The following ADAMTS17 variants were observed in gnomAD, a reference collection of about 807,000 sequenced individuals.
The protein encoded by ADAMTS17 is ADAM metallopeptidase with thrombospondin type 1 motif 17.
In ADAMTS17, 113 loss-of-function variants were observed where a neutral mutation model predicts 141.5. The observed-to-expected ratio is 0.80, with a 90% CI of 0.69 to 0.93. ADAMTS17 has a LOEUF of 0.93. Ranked by LOEUF, ADAMTS17 falls within the 40% of genes least tolerant of loss-of-function variation. ADAMTS17 has a pLI of 0.00. For missense variants in ADAMTS17, 1,659 were observed against 1,517.9 expected (o/e 1.09, Z -1.54); for synonymous variants, 768 against 630.6 (o/e 1.22, Z -3.27).
In ADAMTS17 at chr15:100,118,409, T is replaced by C. The variant is rs368659628; in HGVS notation, c.1722-1396A>G. Among the ~76,000 whole-genome samples, 3 of 152,150 alleles carry C rather than the reference T, an allele frequency of 2.0e-5. No individual in the cohort carries two copies. In the East Asian group the frequency reaches 5.8e-4, roughly 29 times the overall value. ...TACCTCATATACACTAGAAAACAGT[T>C]CCCTCCCCCAGGAGAAGAAGAGATC... On this transcript the variant is annotated intron_variant, in intron 12 of 21. Coordinates refer to ENST00000268070, the MANE Select transcript of ADAMTS17 (RefSeq NM_139057.4).
At chr15:100,147,481 G>A (rs940925021) in intron 10 of ADAMTS17, among the ~76,000 whole-genome samples, 1 of 152,096 alleles carries the variant, frequency 6.6e-6, no homozygotes, top group East Asian at 1.9e-4. Flanking sequence ...GCGTGGTACT[G>A]TACTACTACT....
rs542808482 is a variant in ADAMTS17, at chr15:100,009,412, G to A, written c.2592-11823C>T. On this transcript the variant is annotated intron_variant, in intron 18 of 21. Coordinates refer to ENST00000268070, the MANE Select transcript of ADAMTS17 (RefSeq NM_139057.4). ...TGAAAGTTCCAGGTGCCCACATACT[G>A]AAGTCAGACCTTCTCAAATTCTCAG... Among the ~76,000 whole-genome samples the A allele has an allele frequency of 9.2e-5, 14 of 152,210 alleles. No homozygotes were observed. The South Asian group carries it at 2.9e-3, about 32-fold the overall frequency.
chr15:100,167,181 C>T (rs937446741), intron 8 of ADAMTS17, among the ~76,000 whole-genome samples: 2 of 152,186 alleles, frequency 1.3e-5, no homozygotes, highest in African/African-American at 4.8e-5. Context: ...ACCTGATTGG[C>T]TAACTTGAGG....
At chr15:100,331,634 C>T (rs1321402739) in intron 2 of ADAMTS17, among the ~76,000 whole-genome samples, 1 of 152,166 alleles carries the variant, frequency 6.6e-6, no homozygotes, top group Admixed American at 6.5e-5. Flanking sequence ...GGTTTGAACA[C>T]TGATCGATGC....
chr15:100,208,322 A>C (rs1468293934), intron 7 of ADAMTS17, among the ~76,000 whole-genome samples: 1 of 152,220 alleles, frequency 6.6e-6, no homozygotes, highest in African/African-American at 2.4e-5. Context: ...ACCTTGACTC[A>C]TTCAAAAATC....
intron 14 of ADAMTS17, among the ~76,000 whole-genome samples, chr15:100,102,276 C>T (rs1417767804): frequency 6.6e-6 from 1 of 151,032 alleles, no homozygotes; most frequent in Non-Finnish European, 1.5e-5. Flanking sequence ...AACAGGAAGC[C>T]CGACCGAAGG....
intron 8 of ADAMTS17, among the ~76,000 whole-genome samples, chr15:100,162,966 ATGTATATATATG>A (rs1376048171): frequency 1.4e-5 from 2 of 141,468 alleles, no homozygotes; most frequent in Non-Finnish European, 3.1e-5. Context: ...ATAACTATAT[ATGTATATATATG>A]TGTATATATA....
intron 18 of ADAMTS17, among the ~76,000 whole-genome samples, chr15:100,025,392 T>A (rs1361208717): frequency 6.6e-6 from 1 of 151,426 alleles, no homozygotes; most frequent in Non-Finnish European, 1.5e-5. Flanking sequence ...AATTTGACAA[T>A]CTTTTTCTCT....
At chr15:100,115,015 T>G (rs971235915) in intron 13 of ADAMTS17, among the ~76,000 whole-genome samples, 4 of 152,100 alleles carry the variant, frequency 2.6e-5, no homozygotes, top group Admixed American at 6.6e-5. Context: ...CAAAGTTGAG[T>G]TGAAATTTGA....
intron 15 of ADAMTS17, among the ~76,000 whole-genome samples, chr15:100,069,569 A>T (rs1274298106): frequency 2.6e-5 from 4 of 152,214 alleles, no homozygotes; most frequent in Non-Finnish European, 5.9e-5. Flanking sequence ...ACAAGCCAGA[A>T]GAGAGTGGGG....
chr15:100,292,157 ACC>A (rs2044651957), intron 3 of ADAMTS17, among the ~76,000 whole-genome samples: 1 of 150,762 alleles, frequency 6.6e-6, no homozygotes, highest in South Asian at 2.1e-4. Flanking sequence ...AGACACGCTC[ACC>A]CCGTGGGAAA....
At chr15:100,177,012 A>C (rs920903185) in intron 8 of ADAMTS17, among the ~76,000 whole-genome samples, 5 of 152,220 alleles carry the variant, frequency 3.3e-5, no homozygotes, top group African/African-American at 1.2e-4. Context: ...CTGCTCACCC[A>C]TTGGAGCACA....
Position 100,262,217 on chromosome 15 carries a change from C to T in ADAMTS17, c.873+135G>A, listed in dbSNP as rs1047580614. On this transcript the variant is annotated intron_variant, in intron 5 of 21. Transcript: ENST00000268070. Reference sequence around the variant, plus strand: ...TTCCGGTACTGATGCCGGCTTTCCTCTCACGCTGGCAAAGCCACAGAGAGT... The same window carrying T: ...TTCCGGTACTGATGCCGGCTTTCCTTTCACGCTGGCAAAGCCACAGAGAGT... 17 of 793,386 alleles carry T rather than the reference C, an allele frequency of 2.1e-5. No individual in the cohort carries two copies. The African/African-American group carries it at 2.8e-4, about 13-fold the overall frequency. The allele number at this position is 793,386 out of a possible 1,614,324, so 49.1% of individuals were successfully genotyped here.
At chr15:100,283,129 G>A (rs150125515) in intron 3 of ADAMTS17, among the ~76,000 whole-genome samples, 7 of 152,282 alleles carry the variant, frequency 4.6e-5, no homozygotes, top group Admixed American at 2.0e-4. Flanking sequence ...AGAAGCTCTC[G>A]AGGGAGAAAA....
At chr15:100,253,830 C>A (rs1042038598) in intron 7 of ADAMTS17, among the ~76,000 whole-genome samples, 2 of 152,014 alleles carry the variant, frequency 1.3e-5, no homozygotes, top group Non-Finnish European at 2.9e-5. Flanking sequence ...CCTGGGTGAC[C>A]AAAATGCTCA....
At chr15:100,135,352 C>T (rs186449992) in intron 10 of ADAMTS17, among the ~76,000 whole-genome samples, 102 of 150,862 alleles carry the variant, frequency 6.8e-4, no homozygotes, top group African/African-American at 2.2e-3. Flanking sequence ...AGCGTGATCT[C>T]GGCTCACTGC....
intron 7 of ADAMTS17, among the ~76,000 whole-genome samples, chr15:100,223,885 G>C (rs1342664102): frequency 6.6e-6 from 1 of 151,932 alleles, no homozygotes; most frequent in Non-Finnish European, 1.5e-5. Flanking sequence ...TCCCCCAATA[G>C]GCTGTCTGCA....
intron 4 of ADAMTS17, among the ~76,000 whole-genome samples, chr15:100,275,754 T>C (rs920022854): frequency 1.3e-5 from 2 of 151,808 alleles, no homozygotes; most frequent in Non-Finnish European, 2.9e-5. Context: ...TGGTGCATCA[T>C]AAGCAGTCAC....
chr15:100,131,467 T>C (rs2038041513), intron 12 of ADAMTS17, among the ~76,000 whole-genome samples: 1 of 151,564 alleles, frequency 6.6e-6, no homozygotes, highest in Admixed American at 6.6e-5. Context: ...CTGAGTTTCG[T>C]GGAACAAATG....
Sources: gnomAD v4.1 joint callset for allele counts (sites outside exome capture counted in the v4.1 genomes callset) on GRCh38, gnomAD v4.1.1 for gene constraint, MANE v1.5 for transcripts, NCBI Gene and HGNC (gene_info 2026-07-23, HGNC 2026-07-21) for gene names.